The following COL25A1 variants were observed in gnomAD, a reference collection of about 807,000 sequenced individuals.
The protein encoded by COL25A1 is collagen type XXV alpha 1 chain, also known as collagen alpha-1(XXV) chain.
In COL25A1, 103 loss-of-function variants were observed where a neutral mutation model predicts 128.4. That is an observed-to-expected ratio of 0.80 (90% CI 0.68 to 0.94). The LOEUF is 0.94. Among genes scored for constraint, COL25A1 ranks in the 40% least tolerant of loss-of-function variants. The pLI is 0.00. For missense variants in COL25A1, 745 were observed against 840.0 expected, an observed-to-expected ratio of 0.89 and a Z score of 1.40; for synonymous variants, 279 against 277.2, an observed-to-expected ratio of 1.01 and a Z score of -0.06.
chr4:109,180,124 C>T (rs78524918), intron 3 of COL25A1, among the ~76,000 whole-genome samples: 5 of 152,236 alleles, frequency 3.3e-5, no homozygotes, highest in African/African-American at 1.2e-4. Context: ...ATCTTGCTCT[C>T]AGAGTTTATT....
intron 3 of COL25A1, among the ~76,000 whole-genome samples, chr4:109,239,553 A>T (rs9715778): frequency 6.6e-6 from 1 of 151,306 alleles, no homozygotes; most frequent in Admixed American, 6.6e-5. Flanking sequence ...AGTATAAAAT[A>T]TTTTTTTAAG....
At chr4:108,954,282 T>G (rs1027443551) in intron 8 of COL25A1, among the ~76,000 whole-genome samples, 1 of 152,136 alleles carries the variant, frequency 6.6e-6, no homozygotes, top group African/African-American at 2.4e-5. Flanking sequence ...TAAAATAAAC[T>G]TTCTACTTTT....
At chr4:109,083,354 T>C (rs1272271422) in intron 3 of COL25A1, among the ~76,000 whole-genome samples, 1 of 151,878 alleles carries the variant, frequency 6.6e-6, no homozygotes, top group Non-Finnish European at 1.5e-5. Context: ...AACAATTTTA[T>C]TACTCCATAC....
chr4:108,886,174 CATA>C (rs1158353924), intron 18 of COL25A1, among the ~76,000 whole-genome samples: 4 of 152,112 alleles, frequency 2.6e-5, no homozygotes, highest in African/African-American at 9.7e-5. Context: ...TTTCATATTT[CATA>C]ATTTGACCTT....
rs1736942362 is a variant in COL25A1 at position 108,859,700 on chromosome 4, T to C, written c.1276A>G (p.Thr426Ala). 6 of 1,613,770 alleles carry C rather than the reference T, an allele frequency of 3.7e-6. No homozygotes were observed. The highest frequency in any genetic ancestry group is 1.3e-5 in the African/African-American group (1 of 74,904). The change falls in exon 24 of 38, where the codon ACT becomes GCT. Residue 426 changes from threonine (T) to alanine (A), a missense_variant. Thr to Ala is a moderately conservative substitution (Grantham distance 58). This residue lies in a region of COL25A1 where 387 missense variants were observed against 441.9 expected (regional missense o/e 0.88). Coordinates refer to ENST00000399132, the MANE Select transcript of COL25A1 (RefSeq NM_198721.4). ...PPGQKGDQGA[T>A]EIIDYNGNLH... ...TTGCCGTTGTAGTCTATGATCTCAG[T>C]GGCTCCTTGATCCCCTTTTTGACCA...
intron 6 of COL25A1, among the ~76,000 whole-genome samples, chr4:108,987,884 C>T (rs1486553095): frequency 6.6e-6 from 1 of 152,194 alleles, no homozygotes; most frequent in Non-Finnish European, 1.5e-5. Context: ...CAAAGCATTA[C>T]CAGACTATCC....
intron 11 of COL25A1, among the ~76,000 whole-genome samples, chr4:108,936,111 T>C (rs987730088): frequency 2.0e-5 from 3 of 152,156 alleles, no homozygotes; most frequent in Non-Finnish European, 4.4e-5. Flanking sequence ...TTATTGCAGT[T>C]CTCCCAGAAT....
chr4:108,899,104 G>T (rs1179888705), intron 15 of COL25A1, 50 bp downstream of exon 15: 2 of 1,576,234 alleles, frequency 1.3e-6, no homozygotes, highest in South Asian at 1.1e-5. Context: ...TCTTTGGTAT[G>T]CTGGTGGTGG....
chr4:109,272,467 T>C (rs113125388), intron 3 of COL25A1, among the ~76,000 whole-genome samples: 86 of 152,296 alleles, frequency 5.6e-4, no homozygotes, highest in African/African-American at 2.0e-3. Context: ...GTAATGGGTA[T>C]AGAACAGAGG....
intron 3 of COL25A1, among the ~76,000 whole-genome samples, chr4:109,127,700 G>A (rs1390002177): frequency 1.3e-5 from 2 of 152,082 alleles, no homozygotes; most frequent in Non-Finnish European, 2.9e-5. Context: ...CCAAACTCGA[G>A]GGGCTAAGTG....
chr4:109,244,401 C>A lies in COL25A1; in HGVS notation c.367+56182G>T, dbSNP rs549878051. ...TGTAGGCCTTCCTATGATTATGCTTCATTTAAAAGTACTCACAAGATCCCA... is the reference window on the plus strand; with the variant it reads ...TGTAGGCCTTCCTATGATTATGCTTAATTTAAAAGTACTCACAAGATCCCA... On this transcript the variant is annotated intron_variant, in intron 3 of 37. Coordinates refer to ENST00000399132, the MANE Select transcript of COL25A1 (RefSeq NM_198721.4). 3.1e-4 allele frequency among the ~76,000 whole-genome samples: 47 copies of A among 152,072 alleles called. 1 individual carries two copies. The highest frequency in any genetic ancestry group is 2.5e-3 in the Admixed American group (38 of 15,268).
At chr4:108,974,268 A>T in intron 8 of COL25A1, 99 bp downstream of exon 8, 1 of 1,271,430 alleles carries the variant, frequency 7.9e-7, no homozygotes, top group East Asian at 2.3e-5. Context: ...TTACTGAACC[A>T]TGTGGCACAA....
chr4:109,284,596 T>C (rs1389552629), intron 3 of COL25A1, among the ~76,000 whole-genome samples: 1 of 152,166 alleles, frequency 6.6e-6, no homozygotes, highest in Non-Finnish European at 1.5e-5. Context: ...CAGAAAGCCA[T>C]GGGGCTCTGT....
intron 24 of COL25A1, among the ~76,000 whole-genome samples, chr4:108,857,003 G>C (rs1736601657): frequency 6.6e-6 from 1 of 152,096 alleles, no homozygotes; most frequent in African/African-American, 2.4e-5. Flanking sequence ...TAATAGAGGG[G>C]AGATCAAAAT....
intron 19 of COL25A1, among the ~76,000 whole-genome samples, chr4:108,880,740 G>T (rs1740017472): frequency 6.6e-6 from 1 of 152,188 alleles, no homozygotes; most frequent in African/African-American, 2.4e-5. Flanking sequence ...ACAAGGATCT[G>T]CACATTGGTG....
chr4:109,094,978 T>TA (rs758787582), intron 3 of COL25A1, among the ~76,000 whole-genome samples: 9 of 152,206 alleles, frequency 5.9e-5, no homozygotes, highest in South Asian at 2.1e-4. Context: ...CTCTAATTGT[T>TA]ACAACTTTTC....
At chr4:108,920,494 G>A (rs1200845820) in intron 12 of COL25A1, 84 bp downstream of exon 12, 4 of 999,510 alleles carry the variant, frequency 4.0e-6, no homozygotes, top group African/African-American at 3.3e-5. Flanking sequence ...ATGGCTTACA[G>A]TAGCTAATTT....
Position 108,846,156 on chromosome 4 carries a change from C to T in COL25A1, c.1498G>A (p.Gly500Arg), listed in dbSNP as rs1456984543. 3.7e-6 allele frequency: 6 copies of T among 1,610,488 alleles called. No homozygotes were observed. The highest frequency in any genetic ancestry group is 4.2e-6 in the Non-Finnish European group (5 of 1,176,870). ...PGMTGEKGGI[G>R]LPGLPGANGM... Reference sequence around the variant, plus strand: ...AAACATACCGGTAATCCAGGAAGTCCAATTCCTCCTTTTTCACCTGTCATA... The same window carrying T: ...AAACATACCGGTAATCCAGGAAGTCTAATTCCTCCTTTTTCACCTGTCATA... Residue 500 changes from glycine to arginine, a missense_variant, in exon 28 of 38, where the codon GGA becomes AGA. This residue lies in a region of COL25A1 where 387 missense variants were observed against 441.9 expected (regional missense o/e 0.88). Coordinates refer to ENST00000399132, the MANE Select transcript of COL25A1 (RefSeq NM_198721.4).
Position 108,818,107 on chromosome 4 carries a change from T to G in COL25A1, c.1924-672A>C, listed in dbSNP as rs1731420346. Among the ~76,000 whole-genome samples, 3 of 152,268 alleles carry G rather than the reference T, an allele frequency of 2.0e-5. No homozygotes were observed. The East Asian group carries it at 5.8e-4, about 29-fold the overall frequency. On this transcript the variant is annotated intron_variant, in intron 36 of 37. Transcript: ENST00000399132. ...AAGTGTTGCAAAATTTATTTTAAAG[T>G]GTATGCATTCTTCAGATACAAATGA...
Sources: gnomAD v4.1 joint callset for allele counts (sites outside exome capture counted in the v4.1 genomes callset) on GRCh38, gnomAD v4.1.1 for gene constraint, gnomAD v4.1.1 regional missense constraint, MANE v1.5 for transcripts, NCBI Gene and HGNC (gene_info 2026-07-23, HGNC 2026-07-21) for gene names.